XPR1: variants seen among roughly 807,000 people sequenced by gnomAD.
The protein encoded by XPR1 is xenotropic and polytropic retrovirus receptor 1.
In XPR1, 28 loss-of-function variants were observed where a neutral mutation model predicts 87.5. The ratio of observed to expected loss-of-function variants is 0.32; its 90% CI spans 0.24 to 0.44. The LOEUF is 0.44. XPR1 is among the 20% of genes least tolerant of loss of function. The pLI, the probability that XPR1 is intolerant of heterozygous loss-of-function variation, is 1.00. For synonymous variants in XPR1, 300 were observed against 306.1 expected, an observed-to-expected ratio of 0.98 and a Z score of 0.21; for missense variants, 559 against 862.3, an observed-to-expected ratio of 0.65 and a Z score of 4.41.
intron 2 of XPR1, among the ~76,000 whole-genome samples, chr1:180,721,221 CA>C (rs113624114): frequency 0.039 from 4,215 of 107,450 alleles, 136 homozygotes; most frequent in African/African-American, 0.11. Context: ...AACTCTGTCT[CA>C]AAAAAAAAAA....
chr1:180,883,767 C>T (rs1012278634), intron 14 of XPR1, among the ~76,000 whole-genome samples: 24 of 151,412 alleles, frequency 1.6e-4, no homozygotes, highest in African/African-American at 5.8e-4. Context: ...TTCTGCGTTG[C>T]ACATACCCTG....
In XPR1 at chr1:180,889,963, TG is replaced by T. The variant is rs1289704845; in HGVS notation, c.*5899del. ...CTTTCTCAGTCTCCACTCTGGTAAATGGAAAAGGTGATGTCGAAGAATTGAT... is the reference window on the plus strand; with the variant it reads ...CTTTCTCAGTCTCCACTCTGGTAAATGAAAAGGTGATGTCGAAGAATTGAT... On this transcript the variant is annotated 3_prime_UTR_variant, in exon 15 of 15. Coordinates refer to ENST00000367590, the MANE Select transcript of XPR1 (RefSeq NM_004736.4). 2 of 152,242 alleles carry T rather than the reference TG, an allele frequency of 1.3e-5. No homozygotes were observed. Among genetic ancestry groups the T allele is most frequent in the Non-Finnish European group, 2.9e-5 (2 of 68,062 alleles). The allele number at this position is 152,242 out of a possible 1,614,324, so 9.4% of individuals were successfully genotyped here. A position where few individuals can be genotyped will look rare whatever the true frequency, so the allele number is the denominator to read the frequency against.
chr1:180,786,032 G>A (rs1258466510), intron 2 of XPR1, among the ~76,000 whole-genome samples: 1 of 151,734 alleles, frequency 6.6e-6, no homozygotes, highest in African/African-American at 2.4e-5. Context: ...GTGACCTTGG[G>A]CAGCTATAGC....
At chr1:180,674,322 G>A (rs1173212303) in intron 1 of XPR1, among the ~76,000 whole-genome samples, 6 of 152,136 alleles carry the variant, frequency 3.9e-5, no homozygotes, top group Admixed American at 1.3e-4. Flanking sequence ...GCAGTGGCAC[G>A]ATCTCGGCTC....
At chr1:180,827,398 G>A (rs1189000616) in intron 9 of XPR1, among the ~76,000 whole-genome samples, 2 of 152,184 alleles carry the variant, frequency 1.3e-5, no homozygotes, top group Admixed American at 6.5e-5. Context: ...TGTGTGCTAA[G>A]TGGGCATTTC....
chr1:180,687,981 A>C (rs1023365717), intron 2 of XPR1, among the ~76,000 whole-genome samples: 1 of 151,236 alleles, frequency 6.6e-6, no homozygotes, highest in Non-Finnish European at 1.5e-5. Context: ...GTAACCATTT[A>C]CATTGGAAAT....
intron 1 of XPR1, among the ~76,000 whole-genome samples, chr1:180,674,662 G>A (rs188031086): frequency 6.6e-6 from 1 of 152,140 alleles, no homozygotes; most frequent in East Asian, 1.9e-4. Context: ...CTTAGAAGCT[G>A]GGCCTTCAAA....
intron 2 of XPR1, among the ~76,000 whole-genome samples, chr1:180,772,691 A>T (rs1648562145): frequency 6.6e-6 from 1 of 152,186 alleles, no homozygotes; most frequent in South Asian, 2.1e-4. Flanking sequence ...ATGGTTTTAA[A>T]AAACAGAGTT....
chr1:180,758,337 G>A (rs748550198), intron 2 of XPR1, among the ~76,000 whole-genome samples: 3 of 152,078 alleles, frequency 2.0e-5, no homozygotes, highest in Non-Finnish European at 2.9e-5. Flanking sequence ...TACCAGAGAC[G>A]GGGAAGGGGA....
chr1:180,819,513 G>A (rs1650534085), intron 7 of XPR1, among the ~76,000 whole-genome samples: 1 of 152,052 alleles, frequency 6.6e-6, no homozygotes, highest in Non-Finnish European at 1.5e-5. Context: ...TATGTGTTTA[G>A]ATTTTATAAA....
intron 2 of XPR1, among the ~76,000 whole-genome samples, chr1:180,701,450 C>A (rs1199880023): frequency 7.6e-4 from 85 of 111,308 alleles, no homozygotes; most frequent in African/African-American, 3.2e-3. Context: ...TTGTCAAAGG[C>A]TTTTTCTGCA....
At chr1:180,711,321 A>G (rs1286499736) in intron 2 of XPR1, among the ~76,000 whole-genome samples, 3 of 152,220 alleles carry the variant, frequency 2.0e-5, no homozygotes, top group African/African-American at 7.2e-5. Context: ...CAGCCTGGGC[A>G]ACATTGAGCA....
At chr1:180,731,227 G>A (rs1431164491) in intron 2 of XPR1, among the ~76,000 whole-genome samples, 1 of 152,158 alleles carries the variant, frequency 6.6e-6, no homozygotes, top group Non-Finnish European at 1.5e-5. Flanking sequence ...ATAAAAAGAA[G>A]TGTTACCGAA....
At chr1:180,823,965 G>A (rs1650730573) in intron 7 of XPR1, among the ~76,000 whole-genome samples, 1 of 152,158 alleles carries the variant, frequency 6.6e-6, no homozygotes, top group African/African-American at 2.4e-5. Flanking sequence ...TCATTTATAT[G>A]ACATTTAAAT....
At chr1:180,693,084 A>G (rs1160736631) in intron 2 of XPR1, among the ~76,000 whole-genome samples, 1 of 152,232 alleles carries the variant, frequency 6.6e-6, no homozygotes, top group African/African-American at 2.4e-5. Flanking sequence ...ATGGAACAAA[A>G]AAGTTCTGGG....
chr1:180,693,721 G>C (rs960428446), intron 2 of XPR1, among the ~76,000 whole-genome samples: 1 of 152,038 alleles, frequency 6.6e-6, no homozygotes, highest in African/African-American at 2.4e-5. Flanking sequence ...ACTCCAATCC[G>C]TGCCTCTTTA....
At chr1:180,765,065 G>A (rs1303606393) in intron 2 of XPR1, among the ~76,000 whole-genome samples, 1 of 152,110 alleles carries the variant, frequency 6.6e-6, no homozygotes, top group East Asian at 1.9e-4. Context: ...GATTACAGGC[G>A]TGAGCTACCG....
chr1:180,768,731 G>A (rs1441426004), intron 2 of XPR1, among the ~76,000 whole-genome samples: 1 of 152,154 alleles, frequency 6.6e-6, no homozygotes, highest in Non-Finnish European at 1.5e-5. Context: ...CCTAACTAAG[G>A]TTTTACTATC....
chr1:180,679,088 G>T (rs539533466), intron 1 of XPR1, among the ~76,000 whole-genome samples: 1 of 151,972 alleles, frequency 6.6e-6, no homozygotes, highest in Non-Finnish European at 1.5e-5. Context: ...CCAGCTACTC[G>T]GGAGGCTGAG....
Sources: allele counts gnomAD v4.1 joint callset (sites outside exome capture counted in the v4.1 genomes callset), GRCh38; gene constraint gnomAD v4.1.1; transcripts MANE v1.5; gene names NCBI Gene and HGNC (gene_info 2026-07-23, HGNC 2026-07-21).